PCDH9: variants seen among roughly 807,000 people sequenced by gnomAD.
The protein encoded by PCDH9 is protocadherin 9.
In PCDH9, 24 loss-of-function variants were observed where a neutral mutation model predicts 70.6. That is an observed-to-expected ratio of 0.34 (90% CI 0.25 to 0.48). The LOEUF is 0.48. Among genes scored for constraint, PCDH9 ranks in the 20% least tolerant of loss-of-function variants. PCDH9 has a pLI of 0.99. For missense variants in PCDH9, 1,281 were observed against 1,503.6 expected (o/e 0.85, Z 2.45); for synonymous variants, 562 against 558.5 (o/e 1.01, Z -0.09).
intron 3 of PCDH9, among the ~76,000 whole-genome samples, chr13:66,694,676 A>C (rs1447289812): frequency 1.3e-5 from 2 of 151,652 alleles, no homozygotes; most frequent in African/African-American, 4.9e-5. Flanking sequence ...ATTTTTATAA[A>C]ATATAAAAAT....
chr13:66,632,000 T>A (rs2077578220), intron 3 of PCDH9, among the ~76,000 whole-genome samples: 1 of 152,142 alleles, frequency 6.6e-6, no homozygotes, highest in Admixed American at 6.5e-5. Flanking sequence ...TTCAAGCGAT[T>A]CTCCTGTCTC....
intron 4 of PCDH9, among the ~76,000 whole-genome samples, chr13:66,332,040 G>C (rs1955953332): frequency 6.6e-6 from 1 of 152,130 alleles, no homozygotes; most frequent in South Asian, 2.1e-4. Context: ...TGCAGTCAGG[G>C]AGATGACAGC....
intron 2 of PCDH9, among the ~76,000 whole-genome samples, chr13:66,937,110 T>G (rs2082928860): frequency 6.6e-6 from 1 of 152,246 alleles, no homozygotes; most frequent in South Asian, 2.1e-4. Flanking sequence ...ATTTGTCAGA[T>G]TCATGTAATA....
chr13:66,994,118 T>A (rs1369568204), intron 2 of PCDH9, among the ~76,000 whole-genome samples: 1 of 152,136 alleles, frequency 6.6e-6, no homozygotes, highest in African/African-American at 2.4e-5. Context: ...TTCGGAGTTA[T>A]CAGAGACTAA....
intron 4 of PCDH9, among the ~76,000 whole-genome samples, chr13:66,370,473 GT>G (rs1956627550): frequency 6.8e-6 from 1 of 147,778 alleles, no homozygotes; most frequent in African/African-American, 2.5e-5. Flanking sequence ...TTGTTTCTTT[GT>G]TTGTTTTGTT....
At chr13:66,693,794 C>G (rs2078520765) in intron 3 of PCDH9, among the ~76,000 whole-genome samples, 1 of 152,182 alleles carries the variant, frequency 6.6e-6, no homozygotes, top group Non-Finnish European at 1.5e-5. Context: ...ATATCAGTAA[C>G]ACAAAGTGGA....
At chr13:66,816,185 A>G (rs1025196423) in intron 3 of PCDH9, among the ~76,000 whole-genome samples, 11 of 152,244 alleles carry the variant, frequency 7.2e-5, no homozygotes, top group Admixed American at 5.9e-4. Flanking sequence ...TACAAACTGG[A>G]AAATTAAGGT....
At chr13:66,773,791 T>A (rs992715044) in intron 3 of PCDH9, among the ~76,000 whole-genome samples, 1 of 151,676 alleles carries the variant, frequency 6.6e-6, no homozygotes, top group African/African-American at 2.4e-5. Flanking sequence ...TTTTCTTTTT[T>A]TTTTTAGACG....
Position 66,639,163 on chromosome 13 carries a change from A to G in PCDH9, c.3139-7752T>C, listed in dbSNP as rs553730782. Among the ~76,000 whole-genome samples the G allele has an allele frequency of 2.0e-5, 3 of 152,192 alleles. No homozygotes were observed. The South Asian group carries it at 6.2e-4, about 32-fold the overall frequency. ...AAATGGGGGAGTTTGTCTGCACTCTACTTACTGCTCTTTTAACCAGTTTGC... is the reference window on the plus strand; with the variant it reads ...AAATGGGGGAGTTTGTCTGCACTCTGCTTACTGCTCTTTTAACCAGTTTGC... On this transcript the variant is annotated intron_variant, in intron 3 of 4. Transcript: ENST00000377865.
chr13:66,713,378 G>A (rs1343028520), intron 3 of PCDH9, among the ~76,000 whole-genome samples: 1 of 151,510 alleles, frequency 6.6e-6, no homozygotes, highest in Non-Finnish European at 1.5e-5. Context: ...ATTCAAAGTA[G>A]TGGCCAGACA....
At chr13:67,176,405 A>G (rs921385403) in intron 2 of PCDH9, among the ~76,000 whole-genome samples, 8 of 152,078 alleles carry the variant, frequency 5.3e-5, no homozygotes, top group African/African-American at 1.9e-4. Flanking sequence ...CTCTTCATTT[A>G]TCTCCTCTTG....
At chr13:66,438,132 G>A (rs1375224602) in intron 4 of PCDH9, among the ~76,000 whole-genome samples, 3 of 151,868 alleles carry the variant, frequency 2.0e-5, no homozygotes, top group African/African-American at 7.3e-5. Context: ...TACTCAGGAG[G>A]CTGAGGCGGG....
intron 4 of PCDH9, among the ~76,000 whole-genome samples, chr13:66,590,493 T>C (rs1042164385): frequency 6.6e-6 from 1 of 151,890 alleles, no homozygotes; most frequent in Non-Finnish European, 1.5e-5. Flanking sequence ...ATTCTGCATA[T>C]AAAATAATAA....
chr13:66,368,825 G>T (rs1303676836), intron 4 of PCDH9, among the ~76,000 whole-genome samples: 1 of 152,132 alleles, frequency 6.6e-6, no homozygotes, highest in East Asian at 1.9e-4. Context: ...TACATGGATG[G>T]CAGCAGGCAA....
intron 4 of PCDH9, among the ~76,000 whole-genome samples, chr13:66,509,712 C>G (rs1420913396): frequency 6.6e-6 from 1 of 152,108 alleles, no homozygotes; most frequent in Non-Finnish European, 1.5e-5. Context: ...CTTGGCCTCC[C>G]AAAGCGCTGG....
At chr13:66,509,304 T>C (rs1959346385) in intron 4 of PCDH9, among the ~76,000 whole-genome samples, 1 of 152,142 alleles carries the variant, frequency 6.6e-6, no homozygotes, top group South Asian at 2.1e-4. Flanking sequence ...GACAATGTCT[T>C]TTTCAAGAAC....
At chr13:67,102,904 A>G (rs1383786102) in intron 2 of PCDH9, among the ~76,000 whole-genome samples, 1 of 152,162 alleles carries the variant, frequency 6.6e-6, no homozygotes, top group Non-Finnish European at 1.5e-5. Flanking sequence ...CTTGAGAGAC[A>G]ACATGGTTAT....
chr13:66,787,027 CT>C (rs1325294919), intron 3 of PCDH9, among the ~76,000 whole-genome samples: 1 of 152,112 alleles, frequency 6.6e-6, no homozygotes, highest in East Asian at 1.9e-4. Flanking sequence ...CTTAACCAAG[CT>C]TCTCCAAATG....
chr13:66,312,610 C>CAA (rs11352387), intron 4 of PCDH9, among the ~76,000 whole-genome samples: 2 of 137,502 alleles, frequency 1.5e-5, no homozygotes. Flanking sequence ...GATCCTGCCT[C>CAA]AAAAAAAAAA....
Sources: gnomAD v4.1 joint callset for allele counts (sites outside exome capture counted in the v4.1 genomes callset) on GRCh38, gnomAD v4.1.1 for gene constraint, MANE v1.5 for transcripts, NCBI Gene and HGNC (gene_info 2026-07-23, HGNC 2026-07-21) for gene names.